EFNA5: variants seen among roughly 807,000 people sequenced by gnomAD.
EFNA5 encodes ephrin A5.
Under a neutral mutation model 22.9 loss-of-function variants are expected in EFNA5, and 5 were observed. The ratio of observed to expected loss-of-function variants is 0.22; its 90% CI spans 0.11 to 0.46. EFNA5 has a LOEUF of 0.46. Ranked by LOEUF, EFNA5 falls within the 20% of genes least tolerant of loss-of-function variation. The pLI, the probability that EFNA5 is intolerant of heterozygous loss-of-function variation, is 0.99. For synonymous variants in EFNA5, 113 were observed against 112.2 expected (o/e 1.01, Z -0.04); for missense variants, 237 against 293.3 (o/e 0.81, Z 1.40).
chr5:107,556,761 T>TAAAC (rs1181659649), intron 1 of EFNA5, among the ~76,000 whole-genome samples: 1 of 100,650 alleles, frequency 9.9e-6, no homozygotes, highest in Non-Finnish European at 2.1e-5. Flanking sequence ...TAAAAATAAA[T>TAAAC]AAATAAATAA....
intron 1 of EFNA5, among the ~76,000 whole-genome samples, chr5:107,668,310 T>C (rs1751116669): frequency 6.6e-6 from 1 of 152,228 alleles, no homozygotes; most frequent in South Asian, 2.1e-4. Context: ...AAAGCCTCCA[T>C]GGCATCCTGA....
intron 1 of EFNA5, among the ~76,000 whole-genome samples, chr5:107,644,883 T>G (rs535539014): frequency 5.1e-4 from 78 of 152,266 alleles, no homozygotes; most frequent in African/African-American, 1.9e-3. Flanking sequence ...GTATTTTTAG[T>G]AGAGATGGGG....
intron 4 of EFNA5, among the ~76,000 whole-genome samples, chr5:107,385,344 G>T (rs1747584384): frequency 6.6e-6 from 1 of 152,076 alleles, no homozygotes; most frequent in Admixed American, 6.6e-5. Context: ...AATCTGTTAG[G>T]TGTCTAAGCA....
chr5:107,444,952 A>G (rs1749351682), intron 1 of EFNA5, among the ~76,000 whole-genome samples: 1 of 152,208 alleles, frequency 6.6e-6, no homozygotes. Flanking sequence ...AGGAATAATG[A>G]TAAAATAACT....
intron 1 of EFNA5, among the ~76,000 whole-genome samples, chr5:107,569,571 A>ATT (rs1216955310): frequency 3.4e-3 from 89 of 25,818 alleles, no homozygotes; most frequent in African/African-American, 9.0e-3. Context: ...ATATATATAT[A>ATT]TATATATATA....
At position 107,504,912 on chromosome 5, in the gene EFNA5, A is replaced by T. The variant is rs1747218960; in HGVS notation, c.126-77403T>A. ...CAGAAAAACCTGTCATATAACTAGT[A>T]GTAAAATTTTGGCCCTATAATATCA... On this transcript the variant is annotated intron_variant, in intron 1 of 4. Coordinates refer to ENST00000333274, the MANE Select transcript of EFNA5 (RefSeq NM_001962.3). Among the ~76,000 whole-genome samples the T allele has an allele frequency of 2.0e-5, 3 of 152,212 alleles. No homozygotes were observed. The South Asian group carries it at 6.2e-4, about 31-fold the overall frequency.
At chr5:107,620,572 A>G (rs930512541) in intron 1 of EFNA5, among the ~76,000 whole-genome samples, 6 of 152,180 alleles carry the variant, frequency 3.9e-5, no homozygotes, top group African/African-American at 1.4e-4. Context: ...GTTTTTCACT[A>G]TATTTGGCAA....
intron 1 of EFNA5, among the ~76,000 whole-genome samples, chr5:107,496,192 T>C (rs373171836): frequency 8.7e-6 from 1 of 114,368 alleles, no homozygotes; most frequent in African/African-American, 3.3e-5. Flanking sequence ...AAAAAATACA[T>C]AAATTAGCTG....
At chr5:107,545,374 G>A (rs1455417948) in intron 1 of EFNA5, among the ~76,000 whole-genome samples, 1 of 152,172 alleles carries the variant, frequency 6.6e-6, no homozygotes, top group Non-Finnish European at 1.5e-5. Context: ...TGATTAAAAA[G>A]GAATCACCCG....
intron 1 of EFNA5, among the ~76,000 whole-genome samples, chr5:107,660,432 T>C (rs1454285473): frequency 1.3e-5 from 2 of 150,540 alleles, no homozygotes; most frequent in Non-Finnish European, 3.0e-5. Flanking sequence ...CAATAAAGTA[T>C]GTATACAATG....
chr5:107,408,396 T>G (rs1159515579), intron 2 of EFNA5, among the ~76,000 whole-genome samples: 1 of 152,204 alleles, frequency 6.6e-6, no homozygotes, highest in Non-Finnish European at 1.5e-5. Context: ...ATATGTAAAC[T>G]GAATTTTTAG....
At position 107,421,213 on chromosome 5, in the gene EFNA5, A is replaced by G. The variant is rs746773600; in HGVS notation, c.418+6004T>C. Among the ~76,000 whole-genome samples the G allele has an allele frequency of 2.1e-3, 314 of 152,344 alleles. 7 individuals carry two copies. The highest frequency in any genetic ancestry group is 2.9e-3 in the Admixed American group (45 of 15,300). On this transcript the variant is annotated intron_variant, in intron 2 of 4. Transcript: ENST00000333274. ...CTGTAAACTTTTAATCTAAATACCT[A>G]AAGCTGAGAATTAGCAGTTAACCAC...
intron 1 of EFNA5, among the ~76,000 whole-genome samples, chr5:107,449,755 CT>C (rs1341679982): frequency 6.6e-6 from 1 of 152,120 alleles, no homozygotes; most frequent in African/African-American, 2.4e-5. Context: ...TGTTTTACAC[CT>C]GCTCCTTCCT....
intron 1 of EFNA5, among the ~76,000 whole-genome samples, chr5:107,516,262 C>T (rs148807892): frequency 2.0e-5 from 3 of 151,266 alleles, no homozygotes; most frequent in African/African-American, 7.3e-5. Flanking sequence ...TGGTGGCAAA[C>T]CCTGGCCTTA....
chr5:107,526,360 T>C (rs1747696142), intron 1 of EFNA5, among the ~76,000 whole-genome samples: 1 of 152,234 alleles, frequency 6.6e-6, no homozygotes, highest in Non-Finnish European at 1.5e-5. Flanking sequence ...ATATTTCCTC[T>C]GCAGCAGTTC....
intron 1 of EFNA5, among the ~76,000 whole-genome samples, chr5:107,569,844 A>T (rs907933537): frequency 3.3e-5 from 5 of 149,754 alleles, no homozygotes; most frequent in Non-Finnish European, 7.4e-5. Context: ...CAAAAAAAAA[A>T]AAAAAAAAGC....
chr5:107,583,819 CACAG>C (rs922454031), intron 1 of EFNA5, among the ~76,000 whole-genome samples: 37 of 152,302 alleles, frequency 2.4e-4, no homozygotes, highest in African/African-American at 7.0e-4. Context: ...TTTCATGAGG[CACAG>C]ACAAACTGAA....
At chr5:107,456,488 T>C (rs1314610350) in intron 1 of EFNA5, among the ~76,000 whole-genome samples, 1 of 152,098 alleles carries the variant, frequency 6.6e-6, no homozygotes, top group African/African-American at 2.4e-5. Flanking sequence ...GGTAAAGGTG[T>C]AAAAAGTGGC....
intron 1 of EFNA5, among the ~76,000 whole-genome samples, chr5:107,502,251 A>G (rs1375500141): frequency 6.6e-6 from 1 of 151,958 alleles, no homozygotes; most frequent in Admixed American, 6.6e-5. Context: ...CATTTTATCC[A>G]TTTCCTCTCA....
Sources: gnomAD v4.1 joint callset for allele counts (sites outside exome capture counted in the v4.1 genomes callset) on GRCh38, gnomAD v4.1.1 for gene constraint, MANE v1.5 for transcripts, NCBI Gene and HGNC (gene_info 2026-07-23, HGNC 2026-07-21) for gene names.